The following SH3BGRL2 variants were observed in gnomAD, a reference collection of about 807,000 sequenced individuals.
The protein encoded by SH3BGRL2 is SH3 domain binding glutamate rich protein like 2.
A neutral mutation model predicts 14.8 loss-of-function variants in SH3BGRL2; 21 were observed. The ratio of observed to expected loss-of-function variants is 1.42; its 90% CI spans 1.01 to 2.05. The LOEUF is 2.05. Among genes scored for constraint, SH3BGRL2 ranks in the 30% most tolerant of loss-of-function variants. The pLI is 0.00. For missense variants in SH3BGRL2, 147 were observed against 130.8 expected (o/e 1.12, Z -0.61); for synonymous variants, 50 against 47.8 (o/e 1.05, Z -0.19).
At chr6:79,628,328 C>G (rs1768767287), upstream of SH3BGRL2, among the ~76,000 whole-genome samples, 1 of 150,616 alleles carries the variant, frequency 6.6e-6, no homozygotes, top group Admixed American at 6.6e-5. Context: ...ACTAAAGGGT[C>G]CTTGGCACTC....
At chr6:79,633,799 AT>A (rs886243836) in intron 1 of SH3BGRL2, among the ~76,000 whole-genome samples, 1 of 152,152 alleles carries the variant, frequency 6.6e-6, no homozygotes, top group Non-Finnish European at 1.5e-5. Context: ...ACTTTTAGTG[AT>A]GTTAAGGTTA....
chr6:79,699,660 C>A lies in SH3BGRL2; in HGVS notation c.*151C>A. ...GAAAAGGTGTTTTTGAAAGATGTGG[C>A]TATAATGAGAATTGCATGATTGCTT... On this transcript the variant is annotated 3_prime_UTR_variant, in exon 4 of 4. Coordinates refer to ENST00000369838, the MANE Select transcript of SH3BGRL2 (RefSeq NM_031469.4). The A allele has an allele frequency of 2.8e-6, 3 of 1,089,964 alleles. No homozygotes were observed. Among genetic ancestry groups the A allele is most frequent in the South Asian group, 2.7e-5 (1 of 36,724 alleles). 67.5% of individuals were successfully genotyped at this position (1,089,964 alleles called of 1,614,324 possible). A position where few individuals can be genotyped will look rare whatever the true frequency, so the allele number is the denominator to read the frequency against.
chr6:79,603,116 C>G, the SH3BGRL2 span, among the ~76,000 whole-genome samples: 1 of 152,146 alleles, frequency 6.6e-6, no homozygotes, highest in Non-Finnish European at 1.5e-5. Context: ...CTACCCTACA[C>G]CAAAGGGTTA....
chr6:79,609,990 T>C, the SH3BGRL2 span, among the ~76,000 whole-genome samples: 3 of 152,236 alleles, frequency 2.0e-5, no homozygotes, highest in East Asian at 1.9e-4. Flanking sequence ...TTTAGAAATA[T>C]CATTCTTCAA....
the SH3BGRL2 span, among the ~76,000 whole-genome samples, chr6:79,610,218 G>C: frequency 2.1e-4 from 32 of 152,346 alleles, no homozygotes; most frequent in East Asian, 3.9e-4. Flanking sequence ...CCTCAAGTCT[G>C]TGGCTGCCAC....
intron 1 of SH3BGRL2, among the ~76,000 whole-genome samples, chr6:79,631,829 G>A (rs1768832314): frequency 6.6e-6 from 1 of 152,168 alleles, no homozygotes; most frequent in African/African-American, 2.4e-5. Flanking sequence ...AGAGCTTCGG[G>A]GATCCCCCTT....
the SH3BGRL2 span, among the ~76,000 whole-genome samples, chr6:79,555,209 G>A: frequency 6.6e-6 from 1 of 152,036 alleles, no homozygotes; most frequent in Non-Finnish European, 1.5e-5. Context: ...CAGAACTTTG[G>A]GAGGCTGAGG....
Position 79,673,789 on chromosome 6 carries a change from G to C in SH3BGRL2, c.221G>C (p.Arg74Pro), listed in dbSNP as rs1268670133. ...CCACCTCAGATATTTAATGGCGACC[G>C]ATACTGTGGAGTAAGTGGCTAGACT... Reference protein sequence around the residue: ...PLPPQIFNGDRYCGDYDSFFE... With the variant: ...PLPPQIFNGDPYCGDYDSFFE... Residue 74 changes from arginine to proline, a missense_variant, in exon 2 of 4, where the codon CGA becomes CCA. By Grantham distance (103) the Arg-to-Pro change is moderately radical (BLOSUM62 -2). Coordinates refer to ENST00000369838, the MANE Select transcript of SH3BGRL2 (RefSeq NM_031469.4). The C allele has an allele frequency of 6.2e-7, 1 of 1,613,584 alleles. No individual in the cohort carries two copies. Among genetic ancestry groups the C allele is most frequent in the Non-Finnish European group, 8.5e-7 (1 of 1,179,764 alleles).
intron 2 of SH3BGRL2, among the ~76,000 whole-genome samples, chr6:79,693,318 C>T (rs1770264495): frequency 6.6e-6 from 1 of 151,638 alleles, no homozygotes; most frequent in Admixed American, 6.6e-5. Context: ...GACAATTTGA[C>T]TTCCTCTTTT....
At chr6:79,593,766 G>C in the SH3BGRL2 span, among the ~76,000 whole-genome samples, 1 of 152,110 alleles carries the variant, frequency 6.6e-6, no homozygotes, top group Non-Finnish European at 1.5e-5. Flanking sequence ...CAAGGTAACT[G>C]GCAGATATAA....
chr6:79,581,864 A>C, the SH3BGRL2 span, among the ~76,000 whole-genome samples: 2 of 152,350 alleles, frequency 1.3e-5, no homozygotes, highest in South Asian at 4.1e-4. Flanking sequence ...TGCAGATGAC[A>C]TGATTGTATA....
At chr6:79,581,381 A>T in the SH3BGRL2 span, among the ~76,000 whole-genome samples, 15 of 152,312 alleles carry the variant, frequency 9.8e-5, no homozygotes, top group Non-Finnish European at 1.3e-4. Flanking sequence ...ATCAATGCAA[A>T]AATCCTCAAT....
the SH3BGRL2 span, among the ~76,000 whole-genome samples, chr6:79,589,872 A>G: frequency 6.6e-6 from 1 of 152,172 alleles, no homozygotes. Flanking sequence ...CCTGGGCTCA[A>G]GTGATCTTTC....
chr6:79,655,016 G>A (rs552252694), intron 1 of SH3BGRL2, among the ~76,000 whole-genome samples: 1 of 152,270 alleles, frequency 6.6e-6, no homozygotes, highest in South Asian at 2.1e-4. Flanking sequence ...TAATGACACA[G>A]TGAAAATGTT....
the SH3BGRL2 span, among the ~76,000 whole-genome samples, chr6:79,602,449 C>A: frequency 1.3e-5 from 2 of 152,096 alleles, no homozygotes; most frequent in Admixed American, 1.3e-4. Context: ...TACGAAAGAT[C>A]TGATTTTCAA....
chr6:79,666,073 C>T (rs1769654377), intron 1 of SH3BGRL2, among the ~76,000 whole-genome samples: 1 of 152,174 alleles, frequency 6.6e-6, no homozygotes, highest in African/African-American at 2.4e-5. Context: ...CTGAGGGTTT[C>T]AGTTAGGAAT....
intron 3 of SH3BGRL2, 123 bp from the exon 4 acceptor site, chr6:79,699,375 C>A: frequency 8.8e-7 from 1 of 1,131,028 alleles, no homozygotes; most frequent in Non-Finnish European, 1.2e-6. Flanking sequence ...TGGAGGTGAT[C>A]TGTTATGATT....
chr6:79,699,462 A>ATTTT, intron 3 of SH3BGRL2, 36 bp from the exon 4 acceptor site: 4 of 982,468 alleles, frequency 4.1e-6, no homozygotes, highest in Admixed American at 3.5e-5. Flanking sequence ...GCAATAACTG[A>ATTTT]CTTTTTTTTT....
At chr6:79,617,779 A>G in the SH3BGRL2 span, among the ~76,000 whole-genome samples, 2 of 152,212 alleles carry the variant, frequency 1.3e-5, no homozygotes, top group Admixed American at 1.3e-4. Flanking sequence ...TAGGTTAACT[A>G]TTTTGGCAGG....
Sources: gnomAD v4.1 joint callset for allele counts (sites outside exome capture counted in the v4.1 genomes callset) on GRCh38, gnomAD v4.1.1 for gene constraint, MANE v1.5 for transcripts, NCBI Gene and HGNC (gene_info 2026-07-23, HGNC 2026-07-21) for gene names.